The following FREM1 variants were observed in gnomAD, a reference collection of about 807,000 sequenced individuals.
FREM1 encodes the protein FRAS1-related extracellular matrix protein 1.
FREM1 carries 220 observed loss-of-function variants against 210.1 expected under a neutral mutation model. The ratio of observed to expected loss-of-function variants is 1.05; its 90% CI spans 0.94 to 1.17. FREM1 has a LOEUF of 1.17. Among genes scored for constraint, FREM1 ranks in the 50% most tolerant of loss-of-function variants. The pLI is 0.00. For missense variants in FREM1, 3,454 were observed against 2,675.5 expected, an observed-to-expected ratio of 1.29 and a Z score of -6.42; for synonymous variants, 1,189 against 980.2, an observed-to-expected ratio of 1.21 and a Z score of -3.98.
intron 27 of FREM1, among the ~76,000 whole-genome samples, chr9:14,767,104 G>C (rs1846567096): frequency 6.6e-6 from 1 of 152,060 alleles, no homozygotes; most frequent in South Asian, 2.1e-4. Flanking sequence ...AGATAACTAA[G>C]GCTTGAACAG....
chr9:14,784,795 C>T (rs1482425938), intron 23 of FREM1, among the ~76,000 whole-genome samples, 161 bp from the exon 24 acceptor site: 1 of 152,148 alleles, frequency 6.6e-6, no homozygotes, highest in Admixed American at 6.6e-5. Flanking sequence ...AACCAAAAGG[C>T]ATGAGCAGAT....
In FREM1 at chr9:14,860,560, C is replaced by G. The variant is rs199700426; in HGVS notation, c.330-1076G>C. On this transcript the variant is annotated intron_variant, in intron 3 of 36. Coordinates refer to ENST00000380880, the MANE Select transcript of FREM1 (RefSeq NM_001379081.2). ...ATATATATACACATATATATACACA[C>G]ATATATATACACATATATATACACA... Among the ~76,000 whole-genome samples, 416 of 102,632 alleles carry G rather than the reference C, an allele frequency of 4.1e-3. 32 individuals are homozygous for G. The highest frequency in any genetic ancestry group is 0.02 in the African/African-American group (374 of 18,736). 67.3% of individuals were successfully genotyped at this position (102,632 alleles called of 152,430 possible). A position where few individuals can be genotyped will look rare whatever the true frequency, so the allele number is the denominator to read the frequency against.
chr9:14,794,320 G>C (rs1311978241), intron 21 of FREM1, among the ~76,000 whole-genome samples: 1 of 152,196 alleles, frequency 6.6e-6, no homozygotes, highest in Non-Finnish European at 1.5e-5. Context: ...GAACCACATA[G>C]ATGTGATTCA....
At chr9:14,801,454 T>C (rs1197545023) in intron 20 of FREM1, among the ~76,000 whole-genome samples, 198 bp downstream of exon 20, 2 of 152,230 alleles carry the variant, frequency 1.3e-5, no homozygotes, top group Non-Finnish European at 2.9e-5. Context: ...AATAAATCTC[T>C]TGAACTTACT....
rs912847957 is a variant in FREM1 at position 14,825,078 on chromosome 9, G to A, written c.1882-86C>T. On this transcript the variant is annotated intron_variant, in intron 10 of 36. Coordinates refer to ENST00000380880, the MANE Select transcript of FREM1 (RefSeq NM_001379081.2). The stretch of plus-strand genomic sequence containing the variant: ...CCCACAATCACCTAGTCACAGTTAA[G>A]ATAATTTCTAAAACTGTCATTTATA... The A allele has an allele frequency of 9.1e-6, 8 of 878,244 alleles. No individual in the cohort carries two copies. In the East Asian group the frequency reaches 1.3e-4, roughly 14 times the overall value. 54.4% of individuals were successfully genotyped at this position (878,244 alleles called of 1,614,324 possible).
At chr9:14,835,845 A>G (rs961213832) in intron 10 of FREM1, among the ~76,000 whole-genome samples, 1 of 152,210 alleles carries the variant, frequency 6.6e-6, no homozygotes, top group Non-Finnish European at 1.5e-5. Flanking sequence ...GAAGAGAAAA[A>G]TTTTGCTCCA....
chr9:14,903,033 C>G (rs1021054386), intron 1 of FREM1, among the ~76,000 whole-genome samples: 1 of 152,242 alleles, frequency 6.6e-6, no homozygotes, highest in Non-Finnish European at 1.5e-5. Context: ...TCTTCTCTCA[C>G]TGATAAATCA....
At chr9:14,874,268 G>A (rs1166036420) in intron 1 of FREM1, among the ~76,000 whole-genome samples, 1 of 151,924 alleles carries the variant, frequency 6.6e-6, no homozygotes, top group Non-Finnish European at 1.5e-5. Flanking sequence ...ACAGTGGGGT[G>A]TTAAAGTCTC....
intron 27 of FREM1, among the ~76,000 whole-genome samples, chr9:14,760,990 G>T (rs545921549): frequency 6.6e-6 from 1 of 152,072 alleles, no homozygotes; most frequent in Admixed American, 6.5e-5. Flanking sequence ...ATCCTTAGTG[G>T]TTGCCTTACT....
At chr9:14,848,893 C>G (rs968466608) in intron 6 of FREM1, 120 bp from the exon 7 acceptor site, 8 of 533,386 alleles carry the variant, frequency 1.5e-5, no homozygotes, top group Non-Finnish European at 2.7e-5. Flanking sequence ...CACATTTCTG[C>G]AGTTCCCACA....
intron 23 of FREM1, 29 bp downstream of exon 23, chr9:14,788,890 C>T: frequency 1.3e-6 from 2 of 1,571,430 alleles, no homozygotes; most frequent in Non-Finnish European, 1.7e-6. Context: ...AAAGTTGATC[C>T]CAGTAAACCT....
chr9:14,795,422 G>A (rs80091608), intron 21 of FREM1, among the ~76,000 whole-genome samples: 3,148 of 152,196 alleles, frequency 0.021, 62 homozygotes, highest in Non-Finnish European at 0.027. Context: ...TGTTAACAGA[G>A]GAAATGAAAA....
At chr9:14,748,966 A>G (rs1357319374) in intron 30 of FREM1, among the ~76,000 whole-genome samples, 1 of 152,220 alleles carries the variant, frequency 6.6e-6, no homozygotes, top group African/African-American at 2.4e-5. Flanking sequence ...GTATTCCCCA[A>G]CATAAAAGTT....
chr9:14,830,602 C>A (rs1028040418), intron 10 of FREM1, among the ~76,000 whole-genome samples: 3 of 152,122 alleles, frequency 2.0e-5, no homozygotes, highest in African/African-American at 7.2e-5. Context: ...AAAAAATGTG[C>A]CCACCGGAAG....
Position 14,813,048 on chromosome 9 carries a change from T to C in FREM1, c.2657A>G (p.Asp886Gly). The change falls in exon 16 of 37, where the codon GAT becomes GGT. Residue 886 changes from aspartate (D) to glycine (G), a missense_variant. Transcript: ENST00000380880. ...VLHVEVFPVN[D>G]EPPVLKADLM... is the part of the protein sequence containing the mutation. ...GTCAGCCTTTAAGACTGGTGGCTCATCGTTGACAGGGAATACCTAGGCAAT... is the reference window on the plus strand; with the variant it reads ...GTCAGCCTTTAAGACTGGTGGCTCACCGTTGACAGGGAATACCTAGGCAAT... 1.2e-6 allele frequency: 2 copies of C among 1,609,928 alleles called. No individual in the cohort carries two copies. Among genetic ancestry groups the C allele is most frequent in the Non-Finnish European group, 1.7e-6 (2 of 1,177,026 alleles).
chr9:14,871,271 A>C (rs185804288), intron 1 of FREM1, among the ~76,000 whole-genome samples: 2,332 of 152,316 alleles, frequency 0.015, 57 homozygotes, highest in African/African-American at 0.051. Context: ...AGTCCTACCA[A>C]CAGTGTAAAA....
At chr9:14,819,587 G>C in intron 13 of FREM1, 145 bp from the exon 14 acceptor site, 1 of 571,008 alleles carries the variant, frequency 1.8e-6, no homozygotes, top group Non-Finnish European at 3.0e-6. Context: ...TAAGTTCATA[G>C]CTAGACATTT....
intron 1 of FREM1, among the ~76,000 whole-genome samples, chr9:14,875,170 A>T (rs1465632922): frequency 6.6e-6 from 1 of 152,078 alleles, no homozygotes. Flanking sequence ...CTCGAGGAGT[A>T]TCTTTGTGGT....
Position 14,812,980 on chromosome 9 carries a change from T to C in FREM1, c.2725A>G (p.Ile909Val), listed in dbSNP as rs997838072. ...GTAGCAAAAATGTATTCAGAGGTGATGACCACCTCTCCTCCCTCTGAGCAA... is the reference window on the plus strand; with the variant it reads ...GTAGCAAAAATGTATTCAGAGGTGACGACCACCTCTCCTCCCTCTGAGCAA... Reference protein sequence around the residue: ...MNCSEGGEVVITSEYIFATDV... With the variant: ...MNCSEGGEVVVTSEYIFATDV... The change falls in exon 16 of 37, where the codon ATC (isoleucine) becomes GTC (valine). Residue 909 changes from isoleucine (I) to valine (V), a missense_variant. By Grantham distance (29) the Ile-to-Val change is conservative. Transcript: ENST00000380880. 1 of 1,613,856 alleles carries C rather than the reference T, an allele frequency of 6.2e-7. No homozygotes were observed. The highest frequency in any genetic ancestry group is 1.3e-5 in the African/African-American group (1 of 74,926).
Sources: allele counts gnomAD v4.1 joint callset (sites outside exome capture counted in the v4.1 genomes callset), GRCh38; gene constraint gnomAD v4.1.1; transcripts MANE v1.5; gene names NCBI Gene and HGNC (gene_info 2026-07-23, HGNC 2026-07-21).